Variants in FBN2 observed in about 807,000 individuals in gnomAD.
FBN2 encodes the protein fibrillin 2.
A neutral mutation model predicts 355.6 loss-of-function variants in FBN2; 105 were observed. That is an observed-to-expected ratio of 0.30 (90% confidence interval 0.25 to 0.35). The LOEUF (loss-of-function observed/expected upper bound fraction) is 0.35. Ranked by LOEUF, FBN2 falls within the 10% of genes least tolerant of loss-of-function variation. FBN2 has a pLI of 1.00. For synonymous variants in FBN2, 1,350 were observed against 1,301.2 expected (o/e 1.04, Z -0.81); for missense variants, 3,280 against 3,758.7 (o/e 0.87, Z 3.33).
rs143535706 is a variant in FBN2, at chr5:128,464,893, C to T, written c.657G>A (p.Gln219=). The T allele has an allele frequency of 6.8e-6, 11 of 1,614,080 alleles. No homozygotes were observed. In the African/African-American group the frequency reaches 1.5e-4, roughly 22 times the overall value. Residue 219 remains glutamine, a synonymous_variant, in exon 6 of 65, where the codon CAG becomes CAA. Coordinates refer to ENST00000262464, the MANE Select transcript of FBN2 (RefSeq NM_001999.4). ...RDYRTGPCFT[Q]VNNQMCQGQL... is the part of the protein sequence containing the mutation. ...GCCCTTGGCACATCTGGTTGTTGAC[C>T]TGAGTGAAACACGGGCCTGTCCTGT...
intron 6 of FBN2, among the ~76,000 whole-genome samples, chr5:128,457,819 G>A (rs1754439422): frequency 6.6e-6 from 1 of 150,426 alleles, no homozygotes; most frequent in Non-Finnish European, 1.5e-5. Context: ...AATATGGAAA[G>A]GAAAAACCAG....
chr5:128,439,774 T>G (rs957112660), intron 7 of FBN2, among the ~76,000 whole-genome samples: 11 of 152,164 alleles, frequency 7.2e-5, no homozygotes, highest in African/African-American at 2.7e-4. Flanking sequence ...TCTCTATAAC[T>G]TTTAAGTGGC....
chr5:128,529,278 A>C (rs1190446516), intron 3 of FBN2, among the ~76,000 whole-genome samples: 1 of 152,120 alleles, frequency 6.6e-6, no homozygotes, highest in East Asian at 1.9e-4. Flanking sequence ...AGGAATACCA[A>C]ACCTTGAATG....
At chr5:128,515,667 T>C (rs1294354004) in intron 5 of FBN2, among the ~76,000 whole-genome samples, 1 of 152,244 alleles carries the variant, frequency 6.6e-6, no homozygotes, top group Non-Finnish European at 1.5e-5. Context: ...TTAGATTTTT[T>C]GAACTCTAAC....
chr5:128,403,985 C>T (rs1009912625), intron 8 of FBN2, among the ~76,000 whole-genome samples: 1 of 152,136 alleles, frequency 6.6e-6, no homozygotes, highest in African/African-American at 2.4e-5. Flanking sequence ...TCTGTGTTAA[C>T]TAGAATAAGA....
chr5:128,291,638 A>T lies in FBN2; in HGVS notation c.6183T>A (p.Asp2061Glu), dbSNP rs757432452. 3 of 1,613,614 alleles carry T rather than the reference A, an allele frequency of 1.9e-6. No homozygotes were observed. Among genetic ancestry groups the T allele is most frequent in the Non-Finnish European group, 1.7e-6 (2 of 1,179,548 alleles). ...CAAAAAGACAAATGTTGGGATCTTC[A>T]TCACATTCATTTATATCTGCAGAAC... ...SENCIDINEC[D>E]EDPNICLFGS... The change falls in exon 49 of 65, where the codon GAT (aspartate) becomes GAA (glutamate). Residue 2061 changes from aspartate to glutamate, a missense_variant. Physicochemically the swap from Asp to Glu is conservative, Grantham distance 45. This residue lies in a region of FBN2 where 2,284 missense variants were observed against 2,749.5 expected (regional missense o/e 0.83). Transcript: ENST00000262464.
chr5:128,400,855 T>C (rs1409093229), intron 8 of FBN2, among the ~76,000 whole-genome samples: 1 of 152,192 alleles, frequency 6.6e-6, no homozygotes, highest in Non-Finnish European at 1.5e-5. Context: ...TTGAATTGTA[T>C]CTCCCAGAAT....
chr5:128,311,646 A>G (rs1186988320), intron 38 of FBN2, among the ~76,000 whole-genome samples: 1 of 152,242 alleles, frequency 6.6e-6, no homozygotes, highest in Admixed American at 6.5e-5. Context: ...GTTGGAGATT[A>G]TTCAAGGTAG....
chr5:128,374,849 T>A, intron 14 of FBN2, 99 bp from the exon 15 acceptor site: 2 of 1,241,706 alleles, frequency 1.6e-6, no homozygotes, highest in Non-Finnish European at 2.3e-6. Context: ...AACCTTTTGT[T>A]TATAACTTTA....
chr5:128,333,839 T>A (rs1581222800), intron 31 of FBN2, among the ~76,000 whole-genome samples: 4 of 122,850 alleles, frequency 3.3e-5, no homozygotes, highest in Admixed American at 1.7e-4. Flanking sequence ...GATGCTGAAA[T>A]CACACACACA....
intron 8 of FBN2, among the ~76,000 whole-genome samples, chr5:128,402,154 T>C (rs1453606377): frequency 3.9e-5 from 6 of 151,990 alleles, no homozygotes; most frequent in African/African-American, 4.8e-5. Context: ...TATTAAAAAA[T>C]GTATCATGTG....
chr5:128,305,558 C>A lies in FBN2; in HGVS notation c.5627G>T (p.Cys1876Phe). 1.9e-6 allele frequency: 3 copies of A among 1,614,058 alleles called. No homozygotes were observed. The highest frequency in any genetic ancestry group is 2.5e-6 in the Non-Finnish European group (3 of 1,179,968). Reference sequence around the variant, plus strand: ...AAGTTTGAAACCCGCGGCACATTCACAGCGGTAACTACCAGGACTATTGAT... The same window carrying A: ...AAGTTTGAAACCCGCGGCACATTCAAAGCGGTAACTACCAGGACTATTGAT... ...DCINSPGSYR[C>F]ECAAGFKLSP... Residue 1876 changes from cysteine to phenylalanine, a missense_variant, in exon 44 of 65, where the codon TGT (cysteine) becomes TTT (phenylalanine). This residue lies in a region of FBN2 where 2,284 missense variants were observed against 2,749.5 expected (regional missense o/e 0.83). Coordinates refer to ENST00000262464, the MANE Select transcript of FBN2 (RefSeq NM_001999.4).
At chr5:128,368,379 T>C (rs897362440) in intron 16 of FBN2, among the ~76,000 whole-genome samples, 8 of 150,084 alleles carry the variant, frequency 5.3e-5, no homozygotes, top group African/African-American at 1.9e-4. Context: ...TGTCAAGATA[T>C]ATATATAGAG....
At chr5:128,532,800 C>T (rs1210388372) in intron 2 of FBN2, among the ~76,000 whole-genome samples, 1 of 152,148 alleles carries the variant, frequency 6.6e-6, no homozygotes, top group Admixed American at 6.5e-5. Flanking sequence ...AATCCCAGCA[C>T]CTTGGGAGCC....
At chr5:128,352,866 A>G (rs1362972300) in intron 20 of FBN2, among the ~76,000 whole-genome samples, 1 of 152,196 alleles carries the variant, frequency 6.6e-6, no homozygotes, top group East Asian at 1.9e-4. Flanking sequence ...CATTTTAATA[A>G]TATGTACAGA....
chr5:128,438,129 C>T (rs75027735), intron 7 of FBN2, among the ~76,000 whole-genome samples: 16,597 of 152,160 alleles, frequency 0.11, 1,064 homozygotes, highest in African/African-American at 0.17. Flanking sequence ...GTAGCTGGGA[C>T]CACATGCACA....
intron 62 of FBN2, among the ~76,000 whole-genome samples, chr5:128,271,076 G>T (rs1765256841): frequency 6.6e-6 from 1 of 152,018 alleles, no homozygotes; most frequent in Non-Finnish European, 1.5e-5. Context: ...TTGATTTTTT[G>T]TTCTTAATTC....
intron 46 of FBN2, 92 bp from the exon 47 acceptor site, chr5:128,301,602 G>A (rs2126834636): frequency 1.6e-6 from 2 of 1,238,842 alleles, no homozygotes; most frequent in Non-Finnish European, 2.4e-6. Flanking sequence ...TTATTGGCAT[G>A]CATTTATAAG....
chr5:128,311,846 T>C, intron 38 of FBN2, 39 bp downstream of exon 38: 1 of 1,472,954 alleles, frequency 6.8e-7, no homozygotes, highest in East Asian at 2.3e-5. Flanking sequence ...ATTAACTCTT[T>C]ACCTTGTTTG....
Sources: gnomAD v4.1 joint callset for allele counts (sites outside exome capture counted in the v4.1 genomes callset) on GRCh38, gnomAD v4.1.1 for gene constraint, gnomAD v4.1.1 regional missense constraint, MANE v1.5 for transcripts, NCBI Gene and HGNC (gene_info 2026-07-23, HGNC 2026-07-21) for gene names.